TSPAN31: variants seen among roughly 807,000 people sequenced by gnomAD.
TSPAN31 encodes the protein tetraspanin 31, also known as tetraspanin-31.
Under a neutral mutation model 24.8 loss-of-function variants are expected in TSPAN31, and 16 were observed. The ratio of observed to expected loss-of-function variants is 0.64; its 90% CI spans 0.44 to 0.98. The LOEUF is 0.98. TSPAN31 is among the 50% of genes least tolerant of loss of function. TSPAN31 has a pLI of 0.00. For synonymous variants in TSPAN31, 87 were observed against 91.4 expected (o/e 0.95, Z 0.27); for missense variants, 209 against 251.6 (o/e 0.83, Z 1.15).
rs1459899144 is a variant in TSPAN31 at position 57,747,370 on chromosome 12, C to T, written c.*80C>T. The T allele has an allele frequency of 2.9e-5, 40 of 1,385,984 alleles. No homozygotes were observed. The highest frequency in any genetic ancestry group is 3.8e-5 in the Non-Finnish European group (38 of 999,552). The allele number at this position is 1,385,984 out of a possible 1,614,324, so 85.9% of individuals were successfully genotyped here. Reference sequence around the variant, plus strand: ...CTTAGGGAATATCTAGGGTCTGTAACCGTTTTGGTTTGAGAAAAAGGAAAG... The same window carrying T: ...CTTAGGGAATATCTAGGGTCTGTAATCGTTTTGGTTTGAGAAAAAGGAAAG... On this transcript the variant is annotated 3_prime_UTR_variant, in exon 6 of 6. Transcript: ENST00000257910.
chr12:57,749,053 C>A lies in TSPAN31; in HGVS notation c.*1763C>A. 8.4e-7 allele frequency: 1 copy of A among 1,192,454 alleles called. No individual in the cohort carries two copies. Among genetic ancestry groups the A allele is most frequent in the Non-Finnish European group, 1.3e-6 (1 of 799,540 alleles). The allele number at this position is 1,192,454 out of a possible 1,614,324, so 73.9% of individuals were successfully genotyped here. ...CTTCTCTGTGGGTGGCTATTTGCAG[C>A]TGTAATAAAAACTACAGCCCATCTA... On this transcript the variant is annotated 3_prime_UTR_variant, in exon 6 of 6. Coordinates refer to ENST00000257910, the MANE Select transcript of TSPAN31 (RefSeq NM_005981.5).
intron 1 of TSPAN31, 62 bp downstream of exon 1, chr12:57,745,279 G>T: frequency 6.4e-7 from 1 of 1,551,526 alleles, no homozygotes. Flanking sequence ...GAATCTCTAG[G>T]GTACTTCCGG....
Position 57,745,139 on chromosome 12 carries a change from C to G in TSPAN31, c.-16C>G. ...CCCAAGTCCTTGGGACCACTTGGGT[C>G]CCCAGAGCTGGGGAGATGGTTTGTG... is the stretch of plus-strand genomic sequence containing the variant. On this transcript the variant is annotated 5_prime_UTR_variant, in exon 1 of 6. Coordinates refer to ENST00000257910, the MANE Select transcript of TSPAN31 (RefSeq NM_005981.5). The G allele has an allele frequency of 6.3e-7, 1 of 1,595,046 alleles. No homozygotes were observed. The highest frequency in any genetic ancestry group is 1.1e-5 in the South Asian group (1 of 88,064).
At chr12:57,745,469 T>TG (rs1955135693) in intron 1 of TSPAN31, 1 of 591,176 alleles carries the variant, frequency 1.7e-6, no homozygotes, top group South Asian at 2.1e-5. Flanking sequence ...CCTGTGAACC[T>TG]CAGTTTCTTC....
intron 1 of TSPAN31, 94 bp downstream of exon 1, chr12:57,745,311 G>A (rs1252433248): frequency 7.3e-7 from 1 of 1,375,478 alleles, no homozygotes; most frequent in Non-Finnish European, 1.0e-6. Flanking sequence ...GTGTATGGGG[G>A]TTCCGGGAAG....
chr12:57,747,145 G>C lies in TSPAN31; in HGVS notation c.558+14G>C, dbSNP rs1323609203. 2 of 1,613,156 alleles carry C rather than the reference G, an allele frequency of 1.2e-6. No individual in the cohort carries two copies. The highest frequency in any genetic ancestry group is 1.7e-6 in the Non-Finnish European group (2 of 1,179,122). On this transcript the variant is annotated intron_variant, in intron 5 of 5. Transcript: ENST00000257910. ...AGCTTTACAGAGGTAACATTCTCCA[G>C]TTCCCTCACACACATCCTTTTTGAG... is the stretch of plus-strand genomic sequence containing the variant.
At position 57,747,080 on chromosome 12, in the gene TSPAN31, C is replaced by T. The variant is rs766793834; in HGVS notation, c.507C>T (p.Asp169=). ...MCGEKFLKHS[D]EALKILGGVG... Reference sequence around the variant, plus strand: ...GAGAAAAGTTTCTTAAGCATTCAGACGAAGCCCTGAAAATCCTAGGGGGTG... The same window carrying T: ...GAGAAAAGTTTCTTAAGCATTCAGATGAAGCCCTGAAAATCCTAGGGGGTG... Residue 169 remains aspartate, a synonymous_variant, in exon 5 of 6, where the codon GAC becomes GAT. Transcript: ENST00000257910. 1.5e-5 allele frequency: 25 copies of T among 1,614,080 alleles called. No individual in the cohort carries two copies. Among genetic ancestry groups the T allele is most frequent in the South Asian group, 4.4e-5 (4 of 91,088 alleles).
rs755558023 is a variant in TSPAN31 at position 57,747,099 on chromosome 12, G to A, written c.526G>A (p.Gly176Arg). Residue 176 changes from glycine (G) to arginine (R), a missense_variant, in exon 5 of 6, where the codon GGG becomes AGG. By Grantham distance (125) the Gly-to-Arg change is moderately radical. Transcript: ENST00000257910. Reference sequence around the variant, plus strand: ...TTCAGACGAAGCCCTGAAAATCCTAGGGGGTGTTGGACTCTTCTTTAGCTT... The same window carrying A: ...TTCAGACGAAGCCCTGAAAATCCTAAGGGGTGTTGGACTCTTCTTTAGCTT... Reference protein sequence around the residue: ...KHSDEALKILGGVGLFFSFTE... With the variant: ...KHSDEALKILRGVGLFFSFTE... The A allele has an allele frequency of 6.2e-6, 10 of 1,614,030 alleles. No homozygotes were observed. The highest frequency in any genetic ancestry group is 5.9e-6 in the Non-Finnish European group (7 of 1,180,008).
At chr12:57,745,439 C>CGTAA in intron 1 of TSPAN31, 1 of 616,044 alleles carries the variant, frequency 1.6e-6, no homozygotes, top group South Asian at 2.0e-5. Flanking sequence ...AGGCCGTGGG[C>CGTAA]GTAAGTTCCA....
rs753902350 is a variant in TSPAN31 at position 57,745,114 on chromosome 12, C to G, written c.-41C>G. Reference sequence around the variant, plus strand: ...GGAAGACGGTCCCCAATACCCTCCCCCCAAGTCCTTGGGACCACTTGGGTC... The same window carrying G: ...GGAAGACGGTCCCCAATACCCTCCCGCCAAGTCCTTGGGACCACTTGGGTC... On this transcript the variant is annotated 5_prime_UTR_variant, in exon 1 of 6. Coordinates refer to ENST00000257910, the MANE Select transcript of TSPAN31 (RefSeq NM_005981.5). The G allele has an allele frequency of 6.4e-7, 1 of 1,565,290 alleles. No homozygotes were observed.
At chr12:57,746,076 G>T in intron 2 of TSPAN31, 100 bp from the exon 3 acceptor site, 1 of 1,437,544 alleles carries the variant, frequency 7.0e-7, no homozygotes, top group South Asian at 1.2e-5. Flanking sequence ...CTTTCAATTT[G>T]ACATGGTGGT....
rs1955200152 is a variant in TSPAN31, at chr12:57,749,211, T to C, written c.*1921T>C. ...AGCAGCTGTGCTCCCGACTCCTCCATCTCAGGTACCACCGACTGCACTGGG... is the reference window on the plus strand; with the variant it reads ...AGCAGCTGTGCTCCCGACTCCTCCACCTCAGGTACCACCGACTGCACTGGG... On this transcript the variant is annotated 3_prime_UTR_variant, in exon 6 of 6. Transcript: ENST00000257910. The C allele has an allele frequency of 6.2e-7, 1 of 1,613,960 alleles. No individual in the cohort carries two copies. The highest frequency in any genetic ancestry group is 1.3e-5 in the African/African-American group (1 of 75,026).
intron 2 of TSPAN31, 32 bp downstream of exon 2, chr12:57,745,944 G>C (rs1955143114): frequency 6.4e-7 from 1 of 1,567,028 alleles, no homozygotes; most frequent in African/African-American, 1.4e-5. Flanking sequence ...GGGGCAACCG[G>C]GGGCTTGGGA....
intron 1 of TSPAN31, chr12:57,745,532 A>AC: frequency 1.6e-6 from 1 of 629,352 alleles, no homozygotes. Context: ...CATTCATACT[A>AC]CCATCCCTGC....
rs781701001 is a variant in TSPAN31 at position 57,746,270 on chromosome 12, C to A, written c.312+14C>A. ...CGAAGCAAACAGGTAAGACAGTACC[C>A]TTTCAAGTACTTACTTGCTTTTTAA... On this transcript the variant is annotated intron_variant, in intron 3 of 5. Coordinates refer to ENST00000257910, the MANE Select transcript of TSPAN31 (RefSeq NM_005981.5). 3 of 1,607,418 alleles carry A rather than the reference C, an allele frequency of 1.9e-6. No homozygotes were observed. The highest frequency in any genetic ancestry group is 1.1e-5 in the South Asian group (1 of 90,908).
intron 1 of TSPAN31, 90 bp from the exon 2 acceptor site, chr12:57,745,655 C>A (rs367543632): frequency 2.0e-6 from 3 of 1,502,574 alleles, no homozygotes; most frequent in African/African-American, 1.4e-5. Context: ...ATTATTCCTT[C>A]CCCCTGCCCC....
chr12:57,749,611 A>T lies in TSPAN31; in HGVS notation c.*2321A>T. ...GGAAGTATAGGGAATAAAGGCCAACAATTCCAGCACTTTGGGATGCTGAGG... is the reference window on the plus strand; with the variant it reads ...GGAAGTATAGGGAATAAAGGCCAACTATTCCAGCACTTTGGGATGCTGAGG... On this transcript the variant is annotated 3_prime_UTR_variant, in exon 6 of 6. Transcript: ENST00000257910. 1 of 1,091,014 alleles carries T rather than the reference A, an allele frequency of 9.2e-7. No individual in the cohort carries two copies. The allele number at this position is 1,091,014 out of a possible 1,614,324, so 67.6% of individuals were successfully genotyped here.
At position 57,749,780 on chromosome 12, in the gene TSPAN31, T is replaced by A; in HGVS notation, c.*2490T>A. On this transcript the variant is annotated 3_prime_UTR_variant, in exon 6 of 6. Transcript: ENST00000257910. ...TTGGGAGTCTGATGTGGGTGGATCA[T>A]GAGGTCAAGAGATCGAGACCATCCT... 5.9e-6 allele frequency: 3 copies of A among 505,500 alleles called. No homozygotes were observed. Among genetic ancestry groups the A allele is most frequent in the African/African-American group, 1.9e-5 (1 of 51,978 alleles). The allele number at this position is 505,500 out of a possible 1,614,324, so 31.3% of individuals were successfully genotyped here.
Position 57,746,651 on chromosome 12 carries a change from A to C in TSPAN31, c.375A>C (p.Arg125Ser), listed in dbSNP as rs201745340. Residue 125 changes from arginine to serine, a missense_variant, in exon 4 of 6, where the codon AGA (arginine) becomes AGC (serine). Physicochemically the swap from Arg to Ser is moderately radical, Grantham distance 110. Coordinates refer to ENST00000257910, the MANE Select transcript of TSPAN31 (RefSeq NM_005981.5). ...ACAAGACTCGGGATGAACTGGAAAG[A>C]AGTTTTGATTGTTGTGGCTTATTCA... The part of the protein sequence containing the change: ...MSNKTRDELE[R>S]SFDCCGLFNL... The C allele has an allele frequency of 1.2e-6, 2 of 1,614,182 alleles. No homozygotes were observed. The highest frequency in any genetic ancestry group is 2.7e-5 in the African/African-American group (2 of 75,026).
Sources: gnomAD v4.1 joint callset for allele counts on GRCh38, gnomAD v4.1.1 for gene constraint, MANE v1.5 for transcripts, NCBI Gene and HGNC (gene_info 2026-07-23, HGNC 2026-07-21) for gene names.